The following MIPOL1 variants were observed in gnomAD, a reference collection of about 807,000 sequenced individuals.
The protein encoded by MIPOL1 is mirror-image polydactyly 1.
In MIPOL1, 57 loss-of-function variants were observed where a neutral mutation model predicts 60.9. The ratio of observed to expected loss-of-function variants is 0.94; its 90% CI spans 0.76 to 1.17. The LOEUF is 1.17. MIPOL1 is among the 50% of genes most tolerant of loss of function. The pLI is 0.00. For missense variants in MIPOL1, 551 were observed against 511.6 expected (o/e 1.08, Z -0.74); for synonymous variants, 179 against 168.8 (o/e 1.06, Z -0.47).
intron 9 of MIPOL1, among the ~76,000 whole-genome samples, chr14:37,318,167 G>A (rs1054341628): frequency 1.3e-5 from 2 of 152,160 alleles, no homozygotes; most frequent in Non-Finnish European, 2.9e-5. Context: ...GGTCAATGAT[G>A]TAACCTTCAA....
chr14:37,474,244 G>A (rs931815737), intron 11 of MIPOL1, among the ~76,000 whole-genome samples: 19 of 152,106 alleles, frequency 1.2e-4, no homozygotes, highest in African/African-American at 4.1e-4. Flanking sequence ...GCAGGTTTTT[G>A]TATGGACGTA....
chr14:37,446,942 G>C (rs1032658214), intron 11 of MIPOL1, among the ~76,000 whole-genome samples: 5 of 151,588 alleles, frequency 3.3e-5, no homozygotes, highest in Non-Finnish European at 7.4e-5. Context: ...GGGGAGTGGG[G>C]AGGGATAGCA....
intron 1 of MIPOL1, among the ~76,000 whole-genome samples, chr14:37,202,492 T>C (rs754907317): frequency 3.5e-4 from 53 of 152,300 alleles, no homozygotes; most frequent in Admixed American, 9.8e-4. Context: ...GTGTTTTTCA[T>C]GGCACTCCTT....
chr14:37,365,031 A>G (rs762868359), intron 9 of MIPOL1, among the ~76,000 whole-genome samples: 2 of 152,152 alleles, frequency 1.3e-5, no homozygotes, highest in Non-Finnish European at 2.9e-5. Flanking sequence ...TAGAAATGCT[A>G]CTGATTTTTG....
At chr14:37,232,846 C>T (rs1179364896) in intron 1 of MIPOL1, among the ~76,000 whole-genome samples, 6 of 152,174 alleles carry the variant, frequency 3.9e-5, no homozygotes, top group East Asian at 3.9e-4. Context: ...AACCTGCAAT[C>T]CCATTGCTAT....
rs757542083 is a variant in MIPOL1 at position 37,546,918 on chromosome 14, G to T, written c.1276G>T (p.Val426Leu). The change falls in exon 13 of 13, where the codon GTG becomes TTG. Residue 426 changes from valine (V) to leucine (L), a missense_variant. By Grantham distance (32) the Val-to-Leu change is conservative. Transcript: ENST00000684589. Reference protein sequence around the residue: ...NEKVQKLERLVDVLRKKVGTG... With the variant: ...NEKVQKLERLLDVLRKKVGTG... ...ACCCCAACTTAGGTTGGAAAGGCTG[G>T]TGGATGTACTGAGGAAGAAGGTTGG... 4.3e-6 allele frequency: 7 copies of T among 1,613,490 alleles called. No individual in the cohort carries two copies. In the South Asian group the frequency reaches 6.6e-5, roughly 15 times the overall value.
At chr14:37,456,886 T>C (rs1004686995) in intron 11 of MIPOL1, among the ~76,000 whole-genome samples, 10 of 152,126 alleles carry the variant, frequency 6.6e-5, no homozygotes, top group Admixed American at 4.6e-4. Flanking sequence ...ATATGAAAAC[T>C]CACTCTACAG....
At chr14:37,291,273 C>A (rs17106571) in intron 7 of MIPOL1, among the ~76,000 whole-genome samples, 11,591 of 152,056 alleles carry the variant, frequency 0.076, 1,507 homozygotes, top group African/African-American at 0.26. Context: ...TTTAGAGACT[C>A]CAGATATACT....
intron 9 of MIPOL1, among the ~76,000 whole-genome samples, chr14:37,331,356 A>G (rs2089665336): frequency 6.6e-6 from 1 of 151,958 alleles, no homozygotes; most frequent in African/African-American, 2.4e-5. Context: ...TAGTATGGAT[A>G]TTTTAACAAT....
chr14:37,537,401 AT>A (rs888056358), intron 12 of MIPOL1, among the ~76,000 whole-genome samples: 3 of 151,662 alleles, frequency 2.0e-5, no homozygotes, highest in Admixed American at 6.6e-5. Context: ...GCTAGTGTCA[AT>A]TTTTTTTGCA....
chr14:37,363,637 G>A (rs564781752), intron 9 of MIPOL1, among the ~76,000 whole-genome samples: 17 of 152,272 alleles, frequency 1.1e-4, no homozygotes, highest in Admixed American at 2.6e-4. Flanking sequence ...CTCAAATGCC[G>A]TGCTGGGAGA....
chr14:37,428,634 TAA>T (rs917554294), intron 11 of MIPOL1, among the ~76,000 whole-genome samples: 1 of 150,664 alleles, frequency 6.6e-6, no homozygotes, highest in African/African-American at 2.4e-5. Context: ...GCCTTTTTTT[TAA>T]AAAAGTGGGT....
chr14:37,494,091 G>A (rs944622586), intron 11 of MIPOL1, among the ~76,000 whole-genome samples: 2 of 152,128 alleles, frequency 1.3e-5, no homozygotes, highest in African/African-American at 4.8e-5. Context: ...TGCTTCAGTG[G>A]TTACAGATTT....
chr14:37,207,601 A>G (rs1243990103), intron 1 of MIPOL1, among the ~76,000 whole-genome samples: 1 of 152,116 alleles, frequency 6.6e-6, no homozygotes, highest in Non-Finnish European at 1.5e-5. Flanking sequence ...GCTGGAGTGC[A>G]GTGGCACGAT....
At chr14:37,228,741 G>C (rs1428197259) in intron 1 of MIPOL1, among the ~76,000 whole-genome samples, 1 of 152,116 alleles carries the variant, frequency 6.6e-6, no homozygotes, top group Non-Finnish European at 1.5e-5. Context: ...AAAATACTTT[G>C]CTTCACATTT....
At chr14:37,374,793 G>C (rs565742467) in intron 10 of MIPOL1, among the ~76,000 whole-genome samples, 1 of 152,010 alleles carries the variant, frequency 6.6e-6, no homozygotes, top group Non-Finnish European at 1.5e-5. Flanking sequence ...CTGTAGCCTC[G>C]TATAGTTTGA....
chr14:37,270,565 C>A, intron 6 of MIPOL1, 40 bp downstream of exon 6: 1 of 1,075,930 alleles, frequency 9.3e-7, no homozygotes, highest in Non-Finnish European at 1.3e-6. Flanking sequence ...TGAAGAATCA[C>A]ACACAAGGTT....
chr14:37,338,171 A>T (rs1432789834), intron 9 of MIPOL1, among the ~76,000 whole-genome samples: 2 of 141,502 alleles, frequency 1.4e-5, no homozygotes, highest in African/African-American at 5.3e-5. Context: ...CAGTGGCGTG[A>T]TCTTGGCTCA....
At chr14:37,456,453 T>C (rs2094477203) in intron 11 of MIPOL1, among the ~76,000 whole-genome samples, 1 of 152,108 alleles carries the variant, frequency 6.6e-6, no homozygotes, top group Non-Finnish European at 1.5e-5. Flanking sequence ...ATTGTACCTA[T>C]GAATTTTTCA....
Sources: allele counts gnomAD v4.1 joint callset (sites outside exome capture counted in the v4.1 genomes callset), GRCh38; gene constraint gnomAD v4.1.1; transcripts MANE v1.5; gene names NCBI Gene and HGNC (gene_info 2026-07-23, HGNC 2026-07-21).